CMBL: variants seen among roughly 807,000 people sequenced by gnomAD.
The protein encoded by CMBL is carboxymethylenebutenolidase homolog.
A neutral mutation model predicts 28.7 loss-of-function variants in CMBL; 17 were observed. That is an observed-to-expected ratio of 0.59 (90% CI 0.41 to 0.89). The LOEUF (loss-of-function observed/expected upper bound fraction) is 0.89, where lower values mean the gene tolerates loss of function less well. CMBL is among the 40% of genes least tolerant of loss of function. The pLI, the probability that CMBL is intolerant of heterozygous loss-of-function variation, is 0.00. For missense variants in CMBL, 310 were observed against 298.5 expected (o/e 1.04, Z -0.28); for synonymous variants, 106 against 101.6 (o/e 1.04, Z -0.26).
chr5:10,300,033 A>C (rs1389211236), intron 1 of CMBL, among the ~76,000 whole-genome samples: 1 of 152,334 alleles, frequency 6.6e-6, no homozygotes, highest in South Asian at 2.1e-4. Flanking sequence ...TACATGTTTA[A>C]GTCCTATCCC....
intron 2 of CMBL, chr5:10,290,343 C>T (rs1746685246): frequency 3.5e-6 from 2 of 579,488 alleles, no homozygotes. Flanking sequence ...GACAGGAAAC[C>T]CAGGAATGGG....
chr5:10,282,961 G>A (rs1276605017), intron 4 of CMBL, among the ~76,000 whole-genome samples: 2 of 151,756 alleles, frequency 1.3e-5, no homozygotes, highest in African/African-American at 4.8e-5. Context: ...GTGGTGGCAC[G>A]CGCCTGCAAT....
At chr5:10,305,836 T>C (rs994326287) in intron 1 of CMBL, among the ~76,000 whole-genome samples, 2 of 152,164 alleles carry the variant, frequency 1.3e-5, no homozygotes, top group African/African-American at 4.8e-5. Flanking sequence ...CCCAAAGTGC[T>C]AGGATTACAG....
intron 1 of CMBL, among the ~76,000 whole-genome samples, chr5:10,297,867 T>G (rs922305745): frequency 6.6e-6 from 1 of 151,354 alleles, no homozygotes; most frequent in African/African-American, 2.4e-5. Context: ...TGGTGGTGGG[T>G]GTGGGGCGGG....
At chr5:10,288,307 G>T in intron 3 of CMBL, 115 bp downstream of exon 3, 1 of 755,596 alleles carries the variant, frequency 1.3e-6, no homozygotes. Context: ...GGATTCCATT[G>T]GCCATGGAGA....
chr5:10,291,204 A>G (rs959436763), intron 1 of CMBL, among the ~76,000 whole-genome samples: 1 of 152,116 alleles, frequency 6.6e-6, no homozygotes, highest in African/African-American at 2.4e-5. Flanking sequence ...ATCGAAGCAC[A>G]TGAGACGGGA....
intron 1 of CMBL, among the ~76,000 whole-genome samples, chr5:10,292,929 A>T (rs1340465545): frequency 2.0e-5 from 3 of 152,178 alleles, no homozygotes; most frequent in African/African-American, 7.2e-5. Flanking sequence ...TGGAGAACAC[A>T]GTCTTTACAA....
chr5:10,278,349 C>A lies in CMBL; in HGVS notation c.*2104G>T, dbSNP rs1365270599. Among the ~76,000 whole-genome samples the A allele has an allele frequency of 1.3e-5, 2 of 152,174 alleles. No homozygotes were observed. Among genetic ancestry groups the A allele is most frequent in the Non-Finnish European group, 2.9e-5 (2 of 68,034 alleles). ...TTACAAAACCGCCTCCTGGGACCAC[C>A]TTCCCATGGACAGCTGGATACCACC... On this transcript the variant is annotated 3_prime_UTR_variant, in exon 6 of 6. Transcript: ENST00000296658.
In CMBL at chr5:10,289,547, T is replaced by C. The variant is rs1299234604; in HGVS notation, c.215+1001A>G. Among the ~76,000 whole-genome samples, 1 of 152,126 alleles carries C rather than the reference T, an allele frequency of 6.6e-6. No homozygotes were observed. The highest frequency in any genetic ancestry group is 2.4e-5 in the African/African-American group (1 of 41,420). ...TGGCCTGGTTTCCTAATCTGCAAAATGAGAGCAATAACAGCTCCTCCCTCA... is the reference window on the plus strand; with the variant it reads ...TGGCCTGGTTTCCTAATCTGCAAAACGAGAGCAATAACAGCTCCTCCCTCA... On this transcript the variant is annotated intron_variant, in intron 2 of 5. Coordinates refer to ENST00000296658, the MANE Select transcript of CMBL (RefSeq NM_138809.4). This position sits in a 1 kb window ranked among gnomAD's most constrained non-coding sequence, Gnocchi z 4.3.
chr5:10,295,844 T>C (rs1746799335), intron 1 of CMBL, among the ~76,000 whole-genome samples: 1 of 152,256 alleles, frequency 6.6e-6, no homozygotes, highest in Non-Finnish European at 1.5e-5. Context: ...ATTTGAGCTC[T>C]CACAGTGTAA....
At chr5:10,286,647 C>T in intron 3 of CMBL, 151 bp from the exon 4 acceptor site, 1 of 627,436 alleles carries the variant, frequency 1.6e-6, no homozygotes, top group Non-Finnish European at 2.6e-6. Context: ...TACCTCTGGC[C>T]CAACTGATGC....
chr5:10,304,331 C>CT (rs1360533356), intron 1 of CMBL, among the ~76,000 whole-genome samples: 1 of 152,202 alleles, frequency 6.6e-6, no homozygotes, highest in Non-Finnish European at 1.5e-5. Flanking sequence ...GATCATGCCA[C>CT]TGCACTCCAG....
At chr5:10,282,017 A>G (rs142031493) in intron 5 of CMBL, among the ~76,000 whole-genome samples, 180 bp downstream of exon 5, 6,540 of 152,066 alleles carry the variant, frequency 0.043, 443 homozygotes, top group African/African-American at 0.15. Context: ...AAAATTACCC[A>G]GGTGCGGTGG....
At chr5:10,297,702 G>A (rs899205900) in intron 1 of CMBL, among the ~76,000 whole-genome samples, 8 of 151,972 alleles carry the variant, frequency 5.3e-5, no homozygotes, top group African/African-American at 1.9e-4. Flanking sequence ...CCATAGAAAG[G>A]AAAACAAACA....
intron 1 of CMBL, among the ~76,000 whole-genome samples, chr5:10,306,770 G>A (rs751871892): frequency 2.0e-5 from 3 of 152,108 alleles, no homozygotes; most frequent in Non-Finnish European, 4.4e-5. Context: ...GTCTATGGTC[G>A]AGATAGCATG....
intron 1 of CMBL, among the ~76,000 whole-genome samples, chr5:10,294,406 A>T (rs575576120): frequency 1.3e-5 from 2 of 152,190 alleles, no homozygotes; most frequent in South Asian, 2.1e-4. Flanking sequence ...GCAAAAAAAA[A>T]TTCAAAACTT....
chr5:10,282,251 C>A lies in CMBL; in HGVS notation c.504G>T (p.Lys168Asn). ...VKDSEDIYNL[K>N]NPTLFIFAEN... is the part of the protein sequence containing the mutation. ...CAGCAAAAATGAACAAAGTGGGGTT[C>A]TTTAAATTGTAAATGTCTTCAGAAT... The change falls in exon 5 of 6, where the codon AAG (lysine) becomes AAT (asparagine). Residue 168 changes from lysine (K) to asparagine (N), a missense_variant. Coordinates refer to ENST00000296658, the MANE Select transcript of CMBL (RefSeq NM_138809.4). 1.9e-6 allele frequency: 3 copies of A among 1,612,946 alleles called. No homozygotes were observed. Among genetic ancestry groups the A allele is most frequent in the Non-Finnish European group, 2.5e-6 (3 of 1,178,964 alleles).
intron 1 of CMBL, among the ~76,000 whole-genome samples, chr5:10,305,568 T>C (rs1746988217): frequency 6.6e-6 from 1 of 151,818 alleles, no homozygotes; most frequent in Admixed American, 6.6e-5. Flanking sequence ...GTGTTTTTTG[T>C]TTTTTGTTTT....
intron 1 of CMBL, 74 bp downstream of exon 1, chr5:10,307,551 G>T (rs1332030126): frequency 6.6e-6 from 1 of 152,274 alleles, no homozygotes; most frequent in Non-Finnish European, 1.5e-5. Flanking sequence ...GCCATAGTCA[G>T]AACACACGCG....
Sources: allele counts gnomAD v4.1 joint callset (sites outside exome capture counted in the v4.1 genomes callset), GRCh38; gene constraint gnomAD v4.1.1; non-coding constraint Gnocchi (gnomAD v3.1); transcripts MANE v1.5; gene names NCBI Gene and HGNC (gene_info 2026-07-23, HGNC 2026-07-21).